Variants in PHACTR3 observed in about 807,000 individuals in gnomAD.
PHACTR3 encodes the protein phosphatase and actin regulator 3.
PHACTR3 carries 16 observed loss-of-function variants against 66.8 expected under a neutral mutation model. The observed-to-expected ratio is 0.24, with a 90% confidence interval of 0.16 to 0.36. PHACTR3 has a LOEUF of 0.36. Among genes scored for constraint, PHACTR3 ranks in the 10% least tolerant of loss-of-function variants. The pLI, the probability that PHACTR3 is intolerant of heterozygous loss-of-function variation, is 1.00. For missense variants in PHACTR3, 647 were observed against 719.9 expected (o/e 0.90, Z 1.16); for synonymous variants, 323 against 292.1 (o/e 1.11, Z -1.08).
chr20:59,700,320 G>A (rs953765985), intron 1 of PHACTR3, among the ~76,000 whole-genome samples: 13 of 151,968 alleles, frequency 8.6e-5, no homozygotes, highest in African/African-American at 2.9e-4. Flanking sequence ...CGATGAATCA[G>A]TGCTACCTCG....
chr20:59,619,053 C>T (rs929720429), intron 1 of PHACTR3, among the ~76,000 whole-genome samples: 34 of 152,170 alleles, frequency 2.2e-4, no homozygotes, highest in African/African-American at 7.5e-4. Context: ...TGGATGCTCA[C>T]TACCTCCTGT....
intron 7 of PHACTR3, among the ~76,000 whole-genome samples, chr20:59,798,656 A>G (rs1180518128): frequency 1.3e-5 from 2 of 152,112 alleles, no homozygotes; most frequent in Non-Finnish European, 2.9e-5. Context: ...GTGATTCACT[A>G]TATTTTTTAT....
intron 5 of PHACTR3, among the ~76,000 whole-genome samples, chr20:59,769,185 C>T (rs528369076): frequency 1.2e-3 from 182 of 152,356 alleles, no homozygotes; most frequent in African/African-American, 4.1e-3. Context: ...TAGCACCATG[C>T]GCCCCATCTT....
intron 1 of PHACTR3, among the ~76,000 whole-genome samples, chr20:59,624,826 C>T (rs2034386937): frequency 6.6e-6 from 1 of 152,208 alleles, no homozygotes; most frequent in African/African-American, 2.4e-5. Flanking sequence ...TTATGTAAAC[C>T]TGCACCCTGG....
At chr20:59,796,579 G>C (rs185283750) in intron 7 of PHACTR3, among the ~76,000 whole-genome samples, 7 of 152,208 alleles carry the variant, frequency 4.6e-5, no homozygotes, top group African/African-American at 1.7e-4. Context: ...TCTTGCCTGG[G>C]AAAGATTGTA....
At chr20:59,618,250 C>T (rs377571979) in intron 1 of PHACTR3, among the ~76,000 whole-genome samples, 31 of 152,226 alleles carry the variant, frequency 2.0e-4, no homozygotes, top group African/African-American at 5.1e-4. Context: ...GGGAGCCAGA[C>T]GGTTGGGGCC....
At chr20:59,797,332 T>C (rs1041765471) in intron 7 of PHACTR3, among the ~76,000 whole-genome samples, 1 of 152,200 alleles carries the variant, frequency 6.6e-6, no homozygotes, top group Admixed American at 6.5e-5. Flanking sequence ...TCATAAAGTT[T>C]TATTTCTTTA....
intron 1 of PHACTR3, among the ~76,000 whole-genome samples, chr20:59,639,432 A>G (rs1326273578): frequency 6.6e-6 from 1 of 152,180 alleles, no homozygotes; most frequent in African/African-American, 2.4e-5. Flanking sequence ...GGAAGGCTGT[A>G]CTGACCACAC....
intron 1 of PHACTR3, among the ~76,000 whole-genome samples, chr20:59,654,507 A>G (rs1453663404): frequency 6.6e-6 from 1 of 152,130 alleles, no homozygotes; most frequent in East Asian, 1.9e-4. Flanking sequence ...TACCTCTCTA[A>G]AGGTAGGACA....
rs189515908 is a variant in PHACTR3, at chr20:59,801,455, G to A, written c.1175-4586G>A. Reference sequence around the variant, plus strand: ...GTCAGAAGCAGAAGTTAATGTCATAGCTTTTTACTTTGAAGACTCAGACAA... The same window carrying A: ...GTCAGAAGCAGAAGTTAATGTCATAACTTTTTACTTTGAAGACTCAGACAA... On this transcript the variant is annotated intron_variant, in intron 7 of 12. Transcript: ENST00000371015. Among the ~76,000 whole-genome samples, 101 of 152,346 alleles carry A rather than the reference G, an allele frequency of 6.6e-4. 2 individuals are homozygous for A. In the East Asian group the frequency reaches 0.011, roughly 17 times the overall value.
In PHACTR3 at chr20:59,763,540, A is replaced by T. The variant is rs182816485; in HGVS notation, c.542-3646A>T. On this transcript the variant is annotated intron_variant, in intron 4 of 12. Coordinates refer to ENST00000371015, the MANE Select transcript of PHACTR3 (RefSeq NM_080672.5). ...AGGAGAATTTTTTGTGGGGACCAAG[A>T]TTCAAGTTTGGATGTGATTGGCCTC... 3.9e-5 allele frequency among the ~76,000 whole-genome samples: 6 copies of T among 152,348 alleles called. No individual in the cohort carries two copies. In the East Asian group the frequency reaches 7.7e-4, roughly 20 times the overall value.
In PHACTR3 at chr20:59,836,528, T is replaced by G; in HGVS notation, c.1352T>G (p.Val451Gly). 5 of 1,610,744 alleles carry G rather than the reference T, an allele frequency of 3.1e-6. No individual in the cohort carries two copies. Among genetic ancestry groups the G allele is most frequent in the Non-Finnish European group, 4.2e-6 (5 of 1,178,884 alleles). Residue 451 changes from valine to glycine, a missense_variant, in exon 9 of 13, where the codon GTG becomes GGG. This residue lies in a region of PHACTR3 where 70 missense variants were observed against 148.8 expected (regional missense o/e 0.47). Transcript: ENST00000371015. ...LSKRLSQRPAVEELERRNILK... is the reference protein window; with the variant it reads ...LSKRLSQRPAGEELERRNILK... ...AGACGGCTGAGCCAAAGACCTGCCG[T>G]GGAAGAGCTGGAGAGAAGAAATATC...
chr20:59,610,866 C>T (rs948903301), intron 1 of PHACTR3, among the ~76,000 whole-genome samples: 20 of 152,314 alleles, frequency 1.3e-4, no homozygotes, highest in Non-Finnish European at 1.2e-4. Flanking sequence ...AGCTCTCCTG[C>T]GGGAAGGGAC....
At chr20:59,686,608 G>T in intron 1 of PHACTR3, among the ~76,000 whole-genome samples, 1 of 151,020 alleles carries the variant, frequency 6.6e-6, no homozygotes, top group South Asian at 2.1e-4. Context: ...GATGATGGTG[G>T]TGATGATGAT....
Position 59,761,874 on chromosome 20 carries a change from G to T in PHACTR3, c.542-5312G>T, listed in dbSNP as rs532402086. Among the ~76,000 whole-genome samples, 4 of 152,320 alleles carry T rather than the reference G, an allele frequency of 2.6e-5. No individual in the cohort carries two copies. The South Asian group carries it at 8.3e-4, about 32-fold the overall frequency. On this transcript the variant is annotated intron_variant, in intron 4 of 12. Coordinates refer to ENST00000371015, the MANE Select transcript of PHACTR3 (RefSeq NM_080672.5). ...GGTTGAGACTGCATTTGGTAAGAGG[G>T]AGCCTCTGCTGGTCCAGCCCCAAGG...
rs373512551 is a variant in PHACTR3, at chr20:59,649,326, A to G, written c.118+44194A>G. Among the ~76,000 whole-genome samples, 48 of 152,366 alleles carry G rather than the reference A, an allele frequency of 3.2e-4. No homozygotes were observed. The South Asian group carries it at 8.7e-3, about 28-fold the overall frequency. Reference sequence around the variant, plus strand: ...GCCAAGATATGTGTATTTTCCTTAAAAAGATTTCTTTAAAGCATGTGTCTT... The same window carrying G: ...GCCAAGATATGTGTATTTTCCTTAAGAAGATTTCTTTAAAGCATGTGTCTT... On this transcript the variant is annotated intron_variant, in intron 1 of 12. Coordinates refer to ENST00000371015, the MANE Select transcript of PHACTR3 (RefSeq NM_080672.5).
At chr20:59,693,464 C>A (rs843818) in intron 1 of PHACTR3, among the ~76,000 whole-genome samples, 8,944 of 152,244 alleles carry the variant, frequency 0.059, 472 homozygotes, top group South Asian at 0.24. Flanking sequence ...TGTGCTCTCA[C>A]TGAGCTCTGA....
chr20:59,644,565 T>G (rs2035218604), intron 1 of PHACTR3, among the ~76,000 whole-genome samples: 2 of 152,322 alleles, frequency 1.3e-5, no homozygotes, highest in African/African-American at 4.8e-5. Flanking sequence ...CTTAGCAGCC[T>G]GTAGCAAGTA....
At chr20:59,580,172 G>A (rs1331354384) in intron 1 of PHACTR3, among the ~76,000 whole-genome samples, 1 of 152,102 alleles carries the variant, frequency 6.6e-6, no homozygotes, top group African/African-American at 2.4e-5. Context: ...TGGTTTCAAT[G>A]TTGCATTTCA....
Sources: allele counts gnomAD v4.1 joint callset (sites outside exome capture counted in the v4.1 genomes callset), GRCh38; gene constraint gnomAD v4.1.1; regional missense constraint gnomAD v4.1.1; transcripts MANE v1.5; gene names NCBI Gene and HGNC (gene_info 2026-07-23, HGNC 2026-07-21).